Variants in ACLY observed in about 807,000 individuals in gnomAD.
ACLY encodes ATP citrate lyase.
In ACLY, 41 loss-of-function variants were observed where a neutral mutation model predicts 133.0. That is an observed-to-expected ratio of 0.31 (90% CI 0.24 to 0.40). The LOEUF is 0.40. Among genes scored for constraint, ACLY ranks in the 10% least tolerant of loss-of-function variants. ACLY has a pLI of 1.00. For missense variants in ACLY, 1,046 were observed against 1,453.8 expected (o/e 0.72, Z 4.56); for synonymous variants, 495 against 549.3 (o/e 0.90, Z 1.38).
At chr17:41,907,953 C>T (rs2049774188) in intron 6 of ACLY, among the ~76,000 whole-genome samples, 1 of 152,194 alleles carries the variant, frequency 6.6e-6, no homozygotes, top group Non-Finnish European at 1.5e-5. Context: ...AGAAGACCCC[C>T]CACCGGTATG....
intron 6 of ACLY, among the ~76,000 whole-genome samples, chr17:41,908,221 A>G (rs2049784917): frequency 6.6e-6 from 1 of 152,200 alleles, no homozygotes; most frequent in African/African-American, 2.4e-5. Flanking sequence ...TCCTGGCCAG[A>G]GCCAGCCCAC....
At chr17:41,877,824 C>G (rs1265367221) in intron 22 of ACLY, among the ~76,000 whole-genome samples, 1 of 152,180 alleles carries the variant, frequency 6.6e-6, no homozygotes, top group Non-Finnish European at 1.5e-5. Flanking sequence ...TGCCCTCAAA[C>G]ATCGGACTCC....
In ACLY at chr17:41,879,647, C is replaced by CAAA. The variant is rs558056100; in HGVS notation, c.2266-726_2266-724dup. Among the ~76,000 whole-genome samples the CAAA allele has an allele frequency of 7.6e-4, 26 of 34,226 alleles. 4 individuals are homozygous for CAAA. The highest frequency in any genetic ancestry group is 7.6e-4 in the Non-Finnish European group (17 of 22,404). 22.5% of individuals were successfully genotyped at this position (34,226 alleles called of 152,430 possible). Reference sequence around the variant, plus strand: ...GGGTGATAAGAGCAAGACTCCGTCTCAAAAAAAAAAAAAAAAAAAAAAAAA... The same window carrying CAAA: ...GGGTGATAAGAGCAAGACTCCGTCTCAAAAAAAAAAAAAAAAAAAAAAAAAAAA... On this transcript the variant is annotated intron_variant, in intron 20 of 28. Transcript: ENST00000352035.
intron 7 of ACLY, 135 bp from the exon 8 acceptor site, chr17:41,906,781 G>C (rs1445564307): frequency 1.3e-6 from 1 of 762,490 alleles, no homozygotes; most frequent in Non-Finnish European, 2.2e-6. Context: ...GGGCTACGCA[G>C]GGCCCCACAT....
chr17:41,906,633 G>A lies in ACLY; in HGVS notation c.761C>T (p.Ala254Val). 6.2e-7 allele frequency: 1 copy of A among 1,614,194 alleles called. No homozygotes were observed. Among genetic ancestry groups the A allele is most frequent in the Non-Finnish European group, 8.5e-7 (1 of 1,180,006 alleles). Residue 254 changes from alanine to valine, a missense_variant, in exon 8 of 29, where the codon GCA becomes GTA. Coordinates refer to ENST00000352035, the MANE Select transcript of ACLY (RefSeq NM_001096.3). The part of the protein sequence containing the change: ...REAYPEEAYI[A>V]DLDAKSGASL... Reference sequence around the variant, plus strand: ...TGCCCCACTTTTGGCATCGAGGTCTGCAATGTAGGCTTCCTGGGGACCAGA... The same window carrying A: ...TGCCCCACTTTTGGCATCGAGGTCTACAATGTAGGCTTCCTGGGGACCAGA...
At position 41,869,455 on chromosome 17, in the gene ACLY, G is replaced by T. The variant is rs781993667; in HGVS notation, c.3051+19C>A. 1 of 1,594,206 alleles carries T rather than the reference G, an allele frequency of 6.3e-7. No homozygotes were observed. The highest frequency in any genetic ancestry group is 1.1e-5 in the South Asian group (1 of 90,654). ...AACTTGTCCAACGTGAGGGAATTAG[G>T]AAGTTTTTTCTTTGTTACCTTCGAG... On this transcript the variant is annotated intron_variant, in intron 26 of 28. Coordinates refer to ENST00000352035, the MANE Select transcript of ACLY (RefSeq NM_001096.3).
Position 41,871,738 on chromosome 17 carries a change from A to T in ACLY, c.2888T>A (p.Met963Lys). 1.2e-6 allele frequency: 2 copies of T among 1,614,078 alleles called. No homozygotes were observed. Among genetic ancestry groups the T allele is most frequent in the South Asian group, 1.1e-5 (1 of 91,074 alleles). ...CATGATCAGCTTCCCTTCCTTCTTC[A>T]TCTTGTTCACAAACTCCATGGGGAT... ...GIIPMEFVNK[M>K]KKEGKLIMGI... Residue 963 changes from methionine (M) to lysine (K), a missense_variant, in exon 25 of 29, where the codon ATG becomes AAG. Physicochemically the swap from Met to Lys is moderately conservative, Grantham distance 95. Coordinates refer to ENST00000352035, the MANE Select transcript of ACLY (RefSeq NM_001096.3).
intron 18 of ACLY, among the ~76,000 whole-genome samples, chr17:41,884,919 G>A (rs112829709): frequency 6.6e-5 from 10 of 152,246 alleles, no homozygotes; most frequent in African/African-American, 2.4e-4. Flanking sequence ...ACCCAGGCTT[G>A]AGTGTAGTGG....
At chr17:41,868,365 G>A (rs1266788309) in intron 28 of ACLY, among the ~76,000 whole-genome samples, 2 of 149,910 alleles carry the variant, frequency 1.3e-5, no homozygotes, top group Non-Finnish European at 3.0e-5. Context: ...TTGAACCCGG[G>A]AGGCAGAGGT....
In ACLY at chr17:41,883,191, C is replaced by A. The variant is rs1555627655; in HGVS notation, c.2196G>T (p.Lys732Asn). 6.2e-7 allele frequency: 1 copy of A among 1,614,010 alleles called. No homozygotes were observed. The highest frequency in any genetic ancestry group is 1.1e-5 in the South Asian group (1 of 91,088). Residue 732 changes from lysine (K) to asparagine (N), a missense_variant, in exon 20 of 29, where the codon AAG becomes AAT. Lys to Asn is a moderately conservative substitution (Grantham distance 94). This residue lies in a region of ACLY where 575 missense variants were observed against 804.2 expected (regional missense o/e 0.71). Coordinates refer to ENST00000352035, the MANE Select transcript of ACLY (RefSeq NM_001096.3). ...CGATGGGCTTAGTGAGGCGGCCCTCCTTGATGCCCCGGCAAATCTTATATT... is the reference window on the plus strand; with the variant it reads ...CGATGGGCTTAGTGAGGCGGCCCTCATTGATGCCCCGGCAAATCTTATATT... The part of the protein sequence containing the change: ...TEEYKICRGI[K>N]EGRLTKPIVC...
intron 6 of ACLY, among the ~76,000 whole-genome samples, chr17:41,908,420 T>G (rs918170307): frequency 6.6e-5 from 10 of 152,156 alleles, no homozygotes; most frequent in Non-Finnish European, 1.2e-4. Flanking sequence ...CCTCCTGCTG[T>G]CAGAAAGCCT....
upstream of ACLY, among the ~76,000 whole-genome samples, chr17:41,922,955 C>G (rs781922654): frequency 2.6e-5 from 4 of 152,214 alleles, no homozygotes; most frequent in Admixed American, 1.3e-4. Flanking sequence ...CTCATTACCC[C>G]ACCATGCACC....
intron 21 of ACLY, 93 bp downstream of exon 21, chr17:41,878,704 G>A: frequency 1.3e-6 from 2 of 1,489,206 alleles, no homozygotes; most frequent in Admixed American, 1.8e-5. Flanking sequence ...GAGGGACCAG[G>A]AATACATGAT....
At chr17:41,882,823 C>CA (rs1270900527) in intron 20 of ACLY, among the ~76,000 whole-genome samples, 1 of 152,196 alleles carries the variant, frequency 6.6e-6, no homozygotes, top group African/African-American at 2.4e-5. Context: ...AACTACAGTT[C>CA]AAACATCACC....
At chr17:41,878,723 G>C in intron 21 of ACLY, 74 bp downstream of exon 21, 6 of 1,583,234 alleles carry the variant, frequency 3.8e-6, no homozygotes, top group Non-Finnish European at 5.2e-6. Flanking sequence ...ATGTCCCTGT[G>C]TGGGAGAGGC....
chr17:41,916,382 T>G (rs2050052822), intron 1 of ACLY, among the ~76,000 whole-genome samples: 1 of 139,384 alleles, frequency 7.2e-6, no homozygotes, highest in Admixed American at 6.9e-5. Context: ...TGTTTTGTTT[T>G]TTTTTTTTTG....
chr17:41,902,795 C>G (rs1353325558), intron 10 of ACLY, among the ~76,000 whole-genome samples: 3 of 152,154 alleles, frequency 2.0e-5, no homozygotes, highest in Admixed American at 6.6e-5. Context: ...TTATGGACAC[C>G]CTGTTTTGGG....
chr17:41,929,315 G>A (rs2050284997), intron 1 of ACLY, among the ~76,000 whole-genome samples: 1 of 151,918 alleles, frequency 6.6e-6, no homozygotes, highest in Non-Finnish European at 1.5e-5. Context: ...GACTGGTCTC[G>A]AACTCCTGAG....
chr17:41,885,604 T>C (rs1413339533), intron 18 of ACLY, among the ~76,000 whole-genome samples: 1 of 152,240 alleles, frequency 6.6e-6, no homozygotes, highest in Non-Finnish European at 1.5e-5. Flanking sequence ...ACTGAGCACC[T>C]GCTGAACGCA....
Sources: allele counts gnomAD v4.1 joint callset (sites outside exome capture counted in the v4.1 genomes callset), GRCh38; gene constraint gnomAD v4.1.1; regional missense constraint gnomAD v4.1.1; transcripts MANE v1.5; gene names NCBI Gene and HGNC (gene_info 2026-07-23, HGNC 2026-07-21).